MEI1: variants seen among roughly 807,000 people sequenced by gnomAD.
The protein encoded by MEI1 is meiotic double-stranded break formation protein 1.
In MEI1, 103 loss-of-function variants were observed where a neutral mutation model predicts 146.2. That is an observed-to-expected ratio of 0.70 (90% CI 0.60 to 0.83). The LOEUF (loss-of-function observed/expected upper bound fraction) is 0.83. Ranked by LOEUF, MEI1 falls within the 40% of genes least tolerant of loss-of-function variation. MEI1 has a pLI of 0.00. For missense variants in MEI1, 1,529 were observed against 1,533.0 expected (o/e 1.00, Z 0.04); for synonymous variants, 652 against 628.2 (o/e 1.04, Z -0.57).
intron 13 of MEI1, among the ~76,000 whole-genome samples, chr22:41,745,674 G>A (rs2073230226): frequency 6.6e-6 from 1 of 152,110 alleles, no homozygotes; most frequent in Admixed American, 6.6e-5. Context: ...ACACATAGTT[G>A]GGGGAGGGGG....
At chr22:41,715,945 C>G (rs2070107221) in intron 4 of MEI1, 96 bp from the exon 5 acceptor site, 2 of 832,660 alleles carry the variant, frequency 2.4e-6, no homozygotes, top group Admixed American at 2.3e-5. Flanking sequence ...GAGACACATG[C>G]AATACAGGCA....
intron 6 of MEI1, among the ~76,000 whole-genome samples, chr22:41,723,473 C>G (rs146343579): frequency 0.017 from 2,591 of 152,268 alleles, 83 homozygotes; most frequent in African/African-American, 0.058. Context: ...CCTTGGCCTC[C>G]CAAAGTGCTG....
chr22:41,725,590 C>T (rs901688784), intron 7 of MEI1, among the ~76,000 whole-genome samples: 1 of 152,244 alleles, frequency 6.6e-6, no homozygotes, highest in Admixed American at 6.5e-5. Flanking sequence ...TTCCACCCCA[C>T]AACCCAGTGC....
intron 2 of MEI1, among the ~76,000 whole-genome samples, chr22:41,705,013 C>CA (rs2068980607): frequency 6.6e-6 from 1 of 152,110 alleles, no homozygotes; most frequent in African/African-American, 2.4e-5. Flanking sequence ...CGCGCCCGGC[C>CA]AATTGTTATC....
chr22:41,766,040 G>A (rs955465917), intron 19 of MEI1, among the ~76,000 whole-genome samples: 16 of 151,182 alleles, frequency 1.1e-4, no homozygotes, highest in Admixed American at 2.0e-4. Context: ...ACAGGCACCC[G>A]CCACCATGCC....
intron 22 of MEI1, among the ~76,000 whole-genome samples, chr22:41,780,581 C>CTT (rs1245310767): frequency 6.7e-5 from 9 of 134,312 alleles, no homozygotes; most frequent in Non-Finnish European, 1.1e-4. Flanking sequence ...TTTTTCTTTT[C>CTT]TTTTTTTTTT....
intron 18 of MEI1, 56 bp from the exon 19 acceptor site, chr22:41,763,118 G>C: frequency 1.3e-6 from 2 of 1,590,476 alleles, no homozygotes; most frequent in Non-Finnish European, 8.6e-7. Flanking sequence ...CAGAATAGAA[G>C]AGCCCAGTGG....
At chr22:41,765,964 C>G (rs916921320) in intron 19 of MEI1, among the ~76,000 whole-genome samples, 2 of 145,242 alleles carry the variant, frequency 1.4e-5, no homozygotes, top group Non-Finnish European at 3.0e-5. Flanking sequence ...GATCTCGGCT[C>G]ACTGCAACCT....
intron 13 of MEI1, among the ~76,000 whole-genome samples, chr22:41,745,358 G>A (rs545853471): frequency 7.2e-5 from 11 of 152,036 alleles, no homozygotes; most frequent in African/African-American, 2.7e-4. Flanking sequence ...AGCACTACAG[G>A]TATTCACTGA....
At chr22:41,699,820 GC>G in intron 1 of MEI1, 108 bp downstream of exon 1, 1 of 1,336,048 alleles carries the variant, frequency 7.5e-7, no homozygotes, top group Non-Finnish European at 1.0e-6. Context: ...GCGAAACCGG[GC>G]CCCCGCGCTG....
At chr22:41,789,814 C>G (rs1245565518) in intron 26 of MEI1, among the ~76,000 whole-genome samples, 1 of 152,206 alleles carries the variant, frequency 6.6e-6, no homozygotes, top group East Asian at 1.9e-4. Flanking sequence ...CATGACTCCC[C>G]CTGTAGAAGG....
Position 41,795,480 on chromosome 22 carries a change from T to C in MEI1, c.3604T>C (p.Leu1202=), listed in dbSNP as rs747296393. The C allele has an allele frequency of 6.2e-7, 1 of 1,613,518 alleles. No individual in the cohort carries two copies. The highest frequency in any genetic ancestry group is 1.1e-5 in the South Asian group (1 of 91,066). ...EVGDVLQGVA[L]ADLSTLSNTT... is the part of the protein sequence containing the mutation. Reference sequence around the variant, plus strand: ...GGGTGATGTTCTGCAAGGTGTGGCTTTGGCTGACCTGTCTACCCTCTCGAA... The same window carrying C: ...GGGTGATGTTCTGCAAGGTGTGGCTCTGGCTGACCTGTCTACCCTCTCGAA... The change falls in exon 29 of 31, where the codon TTG becomes CTG. Residue 1202 remains leucine, a synonymous_variant. Transcript: ENST00000401548. This position sits in a 1 kb window ranked among gnomAD's most constrained non-coding sequence, Gnocchi z 4.2.
chr22:41,740,364 CGTG>C (rs1437257218), intron 11 of MEI1, among the ~76,000 whole-genome samples: 1 of 151,822 alleles, frequency 6.6e-6, no homozygotes, highest in Non-Finnish European at 1.5e-5. Context: ...TGTTTACTGA[CGTG>C]GTCCCTCTGA....
At chr22:41,713,176 T>A (rs1027858526) in intron 3 of MEI1, among the ~76,000 whole-genome samples, 2 of 151,986 alleles carry the variant, frequency 1.3e-5, no homozygotes, top group Non-Finnish European at 2.9e-5. Context: ...GAACCACTGA[T>A]AATAAATCAA....
chr22:41,789,766 C>G (rs926859140), intron 26 of MEI1, among the ~76,000 whole-genome samples: 1 of 152,174 alleles, frequency 6.6e-6, no homozygotes, highest in African/African-American at 2.4e-5. Flanking sequence ...TGTCTGTCCT[C>G]AACAGTCCCT....
intron 2 of MEI1, among the ~76,000 whole-genome samples, chr22:41,704,362 C>G (rs571293407): frequency 1.3e-5 from 2 of 151,572 alleles, no homozygotes; most frequent in African/African-American, 4.8e-5. Context: ...CTGTCATAGA[C>G]ACCAGAGCAC....
At chr22:41,748,391 G>A (rs1460527175) in intron 15 of MEI1, among the ~76,000 whole-genome samples, 173 bp downstream of exon 15, 1 of 152,174 alleles carries the variant, frequency 6.6e-6, no homozygotes, top group Non-Finnish European at 1.5e-5. Context: ...GCAATCAAAA[G>A]TCATTAAAGG....
chr22:41,747,195 A>C (rs979655004), intron 14 of MEI1: 2 of 151,634 alleles, frequency 1.3e-5, no homozygotes, highest in African/African-American at 4.9e-5. Context: ...CCAAGGGCAC[A>C]CTGTGGTGGC....
At position 41,729,737 on chromosome 22, in the gene MEI1, C is replaced by T; in HGVS notation, c.937C>T (p.Pro313Ser). The change falls in exon 8 of 31, where the codon CCA (proline) becomes TCA (serine). Residue 313 changes from proline (P) to serine (S), a missense_variant. Pro to Ser is a moderately conservative substitution (Grantham distance 74). Around this residue, in one of 3 missense-constraint regions of MEI1, gnomAD observed 1,212 missense variants for 1,178.9 expected, o/e 1.03. Coordinates refer to ENST00000401548, the MANE Select transcript of MEI1 (RefSeq NM_152513.4). ...TATAACTGCGGTGCTTGTCCACTCC[C>T]CAGCAAAGCATGCGTCAGCCTTCAT... Reference protein sequence around the residue: ...HCITAVLVHSPAKHASAFIHA... With the variant: ...HCITAVLVHSSAKHASAFIHA... The T allele has an allele frequency of 2.5e-6, 4 of 1,611,818 alleles. No homozygotes were observed. The highest frequency in any genetic ancestry group is 2.2e-5 in the South Asian group (2 of 90,398).
Sources: allele counts gnomAD v4.1 joint callset (sites outside exome capture counted in the v4.1 genomes callset), GRCh38; gene constraint gnomAD v4.1.1; regional missense constraint gnomAD v4.1.1; non-coding constraint Gnocchi (gnomAD v3.1); transcripts MANE v1.5; gene names NCBI Gene and HGNC (gene_info 2026-07-23, HGNC 2026-07-21).